ODF2: variants seen among roughly 807,000 people sequenced by gnomAD.
ODF2 encodes the protein outer dense fiber protein 2.
ODF2 carries 47 observed loss-of-function variants against 110.2 expected under a neutral mutation model. The ratio of observed to expected loss-of-function variants is 0.43; its 90% confidence interval spans 0.34 to 0.54. The LOEUF is 0.54. Among genes scored for constraint, ODF2 ranks in the 20% least tolerant of loss-of-function variants. The probability of loss-of-function intolerance (pLI) is 0.03; values close to 1 mark genes in which losing one functional copy is unlikely to be tolerated. For synonymous variants in ODF2, 352 were observed against 397.7 expected (o/e 0.89, Z 1.37); for missense variants, 812 against 1,054.5 (o/e 0.77, Z 3.19).
intron 3 of ODF2, among the ~76,000 whole-genome samples, chr9:128,459,917 A>G (rs1023121032): frequency 6.6e-6 from 1 of 152,148 alleles, no homozygotes; most frequent in African/African-American, 2.4e-5. Context: ...AAATAAAGGA[A>G]AAGAAAAAGA....
intron 14 of ODF2, among the ~76,000 whole-genome samples, chr9:128,488,972 A>C (rs1360804235): frequency 6.6e-6 from 1 of 152,228 alleles, no homozygotes; most frequent in Non-Finnish European, 1.5e-5. Flanking sequence ...GCGCCACTGC[A>C]CTCCAGCCTG....
At chr9:128,484,588 G>A (rs373714307) in intron 11 of ODF2, 113 bp from the exon 12 acceptor site, 13 of 1,164,464 alleles carry the variant, frequency 1.1e-5, no homozygotes, top group African/African-American at 6.2e-5. Flanking sequence ...TGTCTTCCTC[G>A]TTTCCTCTTT....
chr9:128,456,704 T>A, intron 1 of ODF2: 1 of 1,369,254 alleles, frequency 7.3e-7, no homozygotes, highest in African/African-American at 1.5e-5. Flanking sequence ...ACGCCCTCCG[T>A]AGGCAGCGCT....
chr9:128,459,536 C>A (rs201143811), intron 2 of ODF2, 31 bp from the exon 2 acceptor site: 1 of 1,564,194 alleles, frequency 6.4e-7, no homozygotes, highest in Non-Finnish European at 8.8e-7. Flanking sequence ...TAGTTTTCTG[C>A]TTACAATCTG....
chr9:128,469,502 G>A, intron 5 of ODF2, 149 bp downstream of exon 5: 2 of 744,878 alleles, frequency 2.7e-6, no homozygotes, highest in South Asian at 3.2e-5. Flanking sequence ...CCTGCCCCGG[G>A]AGGTAGCTGG....
In ODF2 at chr9:128,484,901, G is replaced by A. The variant is rs1843076657; in HGVS notation, c.1290+15G>A. On this transcript the variant is annotated intron_variant, in intron 12 of 20. Coordinates refer to ENST00000604420, the Ensembl canonical transcript of ODF2. ...TCGCTGACAAGGTCGCAGGCCCGCG[G>A]TGCCCAGCTCCTCACCTGCCCTGAG... 5 of 1,610,918 alleles carry A rather than the reference G, an allele frequency of 3.1e-6. No homozygotes were observed. Among genetic ancestry groups the A allele is most frequent in the Non-Finnish European group, 4.2e-6 (5 of 1,178,882 alleles).
At chr9:128,498,886 C>T (rs1376888649) in intron 19 of ODF2, 115 bp from the exon 20 acceptor site, 6 of 1,375,100 alleles carry the variant, frequency 4.4e-6, no homozygotes, top group Non-Finnish European at 5.1e-6. Context: ...GAACACAGTC[C>T]ACAATGATGT....
intron 3 of ODF2, chr9:128,460,127 G>T (rs745381420): frequency 7.7e-7 from 1 of 1,294,702 alleles, no homozygotes; most frequent in South Asian, 1.2e-5. Flanking sequence ...TGAGCATTTT[G>T]TGTGTTTCCC....
Position 128,498,981 on chromosome 9 carries a change from C to G in ODF2, c.2176-20C>G, listed in dbSNP as rs747873685. On this transcript the variant is annotated intron_variant, in intron 19 of 20. Coordinates refer to ENST00000604420, the Ensembl canonical transcript of ODF2. ...CATGTCCGGTAAACCAGTCTCATGT[C>G]TGGGCCTTTGAATGTGCAGGTGGAA... is the stretch of plus-strand genomic sequence containing the variant. 44 of 1,613,820 alleles carry G rather than the reference C, an allele frequency of 2.7e-5. No homozygotes were observed. Among genetic ancestry groups the G allele is most frequent in the Non-Finnish European group, 3.5e-5 (41 of 1,179,896 alleles).
At chr9:128,463,863 GAGAA>G (rs1226415957) in intron 4 of ODF2, among the ~76,000 whole-genome samples, 9 of 151,156 alleles carry the variant, frequency 6.0e-5, no homozygotes, top group Middle Eastern at 3.4e-3. Flanking sequence ...TTTACTTTTT[GAGAA>G]AGAGTCTCGT....
intron 2 of ODF2, among the ~76,000 whole-genome samples, chr9:128,458,357 G>A (rs1835489032): frequency 6.6e-6 from 1 of 152,030 alleles, no homozygotes; most frequent in South Asian, 2.1e-4. Flanking sequence ...AGGAGCCTGG[G>A]GCAGGAGAAT....
chr9:128,456,027 T>C (rs1834683125), upstream of ODF2: 1 of 1,443,714 alleles, frequency 6.9e-7, no homozygotes, highest in Admixed American at 2.8e-5. Context: ...GGCATCTCTG[T>C]GACGCTAGGG....
rs143231078 is a variant in ODF2, at chr9:128,487,801, CA to C, written c.1401-85del. 1.5e-3 allele frequency: 1,615 copies of C among 1,064,242 alleles called. 15 individuals carry two copies. Among genetic ancestry groups the C allele is most frequent in the Non-Finnish European group, 1.9e-3 (1,544 of 805,592 alleles). The allele number at this position is 1,064,242 out of a possible 1,614,324, so 65.9% of individuals were successfully genotyped here. A position where few individuals can be genotyped will look rare whatever the true frequency, so the allele number is the denominator to read the frequency against. ...GACTCCGTCTAAAAAAACAAACAAA[CA>C]AAACACACACACACACACACACACA... On this transcript the variant is annotated intron_variant, in intron 13 of 20. Coordinates refer to ENST00000604420, the Ensembl canonical transcript of ODF2.
chr9:128,455,362 C>A, upstream of ODF2: 1 of 636,100 alleles, frequency 1.6e-6, no homozygotes, highest in Non-Finnish European at 2.5e-6. Context: ...CTATCCTGCC[C>A]AACACGGTGA....
At chr9:128,489,427 T>G (rs1844080911) in intron 14 of ODF2, among the ~76,000 whole-genome samples, 1 of 152,192 alleles carries the variant, frequency 6.6e-6, no homozygotes, top group Non-Finnish European at 1.5e-5. Flanking sequence ...CTAATACCCC[T>G]GTAAAGGTAA....
chr9:128,490,051 A>G (rs1042148063), intron 14 of ODF2, among the ~76,000 whole-genome samples: 2 of 152,124 alleles, frequency 1.3e-5, no homozygotes, highest in Non-Finnish European at 1.5e-5. Flanking sequence ...ACGTCTTAAC[A>G]GTTATTTAGG....
intron 9 of ODF2, 70 bp downstream of exon 9, chr9:128,481,721 A>G: frequency 1.6e-6 from 2 of 1,281,702 alleles, no homozygotes; most frequent in Non-Finnish European, 2.2e-6. Flanking sequence ...TACAAAGTGT[A>G]GAGGTGCTTG....
At chr9:128,500,487 G>C (rs146690886), downstream of ODF2, 1 of 512,912 alleles carries the variant, frequency 1.9e-6, no homozygotes, top group East Asian at 3.1e-5. Context: ...AAATTTCCTC[G>C]ACAGGCCTTA....
chr9:128,489,621 A>G (rs1844130184), intron 14 of ODF2, among the ~76,000 whole-genome samples: 1 of 152,232 alleles, frequency 6.6e-6, no homozygotes, highest in Non-Finnish European at 1.5e-5. Context: ...ACACCACAGT[A>G]TATTTGTCCA....
Sources: allele counts gnomAD v4.1 joint callset (sites outside exome capture counted in the v4.1 genomes callset), GRCh38; gene constraint gnomAD v4.1.1; transcripts MANE v1.5; gene names NCBI Gene and HGNC (gene_info 2026-07-23, HGNC 2026-07-21).